EYA1: variants seen among roughly 807,000 people sequenced by gnomAD.
The protein encoded by EYA1 is EYA transcriptional coactivator and phosphatase 1, also known as protein phosphatase EYA1.
In EYA1, 16 loss-of-function variants were observed where a neutral mutation model predicts 82.0. The ratio of observed to expected loss-of-function variants is 0.20; its 90% CI spans 0.13 to 0.30. The LOEUF is 0.30. Among genes scored for constraint, EYA1 ranks in the 10% least tolerant of loss-of-function variants. The pLI is 1.00. For missense variants in EYA1, 633 were observed against 730.7 expected (o/e 0.87, Z 1.54); for synonymous variants, 261 against 264.4 (o/e 0.99, Z 0.12).
At chr8:71,300,095 T>C (rs1485042408) in intron 7 of EYA1, among the ~76,000 whole-genome samples, 2 of 152,180 alleles carry the variant, frequency 1.3e-5, no homozygotes, top group Non-Finnish European at 2.9e-5. Context: ...TTAAGGTTCT[T>C]GCTAGCTCAA....
chr8:71,226,402 C>G (rs879900801), intron 12 of EYA1, among the ~76,000 whole-genome samples: 8 of 151,790 alleles, frequency 5.3e-5, no homozygotes, highest in Admixed American at 1.3e-4. Flanking sequence ...GGAGTTCCTT[C>G]TTTCTCACCA....
intron 9 of EYA1, among the ~76,000 whole-genome samples, chr8:71,294,474 A>AC (rs60667580): frequency 0.11 from 17,024 of 151,358 alleles, 1,046 homozygotes; most frequent in South Asian, 0.22. Context: ...AAACAAACAA[A>AC]AAAAACACAC....
chr8:71,217,423 T>C (rs1026787750), intron 12 of EYA1, among the ~76,000 whole-genome samples: 1 of 152,210 alleles, frequency 6.6e-6, no homozygotes, highest in African/African-American at 2.4e-5. Flanking sequence ...AAATTAAACC[T>C]GATGCTAACT....
chr8:71,340,028 A>G (rs1265179424), intron 3 of EYA1, among the ~76,000 whole-genome samples: 2 of 152,134 alleles, frequency 1.3e-5, no homozygotes, highest in Non-Finnish European at 2.9e-5. Context: ...CCACTATCCT[A>G]ATTACCTTCT....
At chr8:71,293,740 T>C (rs1050874036) in intron 9 of EYA1, among the ~76,000 whole-genome samples, 3 of 151,288 alleles carry the variant, frequency 2.0e-5, no homozygotes, top group Admixed American at 1.3e-4. Context: ...CCAATACCCA[T>C]TCATAATAAA....
chr8:71,216,869 A>G lies in EYA1; in HGVS notation c.1200-17T>C, dbSNP rs1809274848. 1 of 1,614,040 alleles carries G rather than the reference A, an allele frequency of 6.2e-7. No homozygotes were observed. Among genetic ancestry groups the G allele is most frequent in the Admixed American group, 1.7e-5 (1 of 60,006 alleles). The stretch of plus-strand genomic sequence containing the variant: ...TTATATGTGCTATTTATATGCAAGA[A>G]AAGCCCAAAGTTAGCCGAACAGAAA... On this transcript the variant is annotated splice_polypyrimidine_tract_variant and intron_variant, in intron 13 of 17. Transcript: ENST00000340726.
intron 2 of EYA1, among the ~76,000 whole-genome samples, chr8:71,417,414 A>T (rs1167829608): frequency 6.6e-6 from 1 of 152,186 alleles, no homozygotes; most frequent in African/African-American, 2.4e-5. Flanking sequence ...AAGTTCTAGA[A>T]ATTAGAACAT....
At chr8:71,262,734 G>A (rs1432521492) in intron 11 of EYA1, among the ~76,000 whole-genome samples, 1 of 152,218 alleles carries the variant, frequency 6.6e-6, no homozygotes, top group Non-Finnish European at 1.5e-5. Flanking sequence ...TAGTGAGGCA[G>A]AGGGGCTGCC....
At chr8:71,506,294 A>C (rs1812187786) in intron 2 of EYA1, among the ~76,000 whole-genome samples, 1 of 152,228 alleles carries the variant, frequency 6.6e-6, no homozygotes, top group African/African-American at 2.4e-5. Flanking sequence ...AAAATTAAAG[A>C]AGTTGACTCT....
At chr8:71,373,043 C>A (rs1822918) in intron 2 of EYA1, among the ~76,000 whole-genome samples, 1 of 152,006 alleles carries the variant, frequency 6.6e-6, no homozygotes, top group Non-Finnish European at 1.5e-5. Context: ...TGAAGGAAAC[C>A]TAAAGGCTTT....
intron 1 of EYA1, among the ~76,000 whole-genome samples, chr8:71,360,138 C>T (rs1284862112): frequency 3.3e-5 from 5 of 152,132 alleles, no homozygotes; most frequent in Non-Finnish European, 7.4e-5. Context: ...AATACTACTG[C>T]TGATTATTTT....
intron 2 of EYA1, among the ~76,000 whole-genome samples, chr8:71,521,849 T>A (rs12544141): frequency 0.079 from 11,981 of 152,214 alleles, 1,333 homozygotes; most frequent in East Asian, 0.49. Context: ...TAGCCCATTT[T>A]AAGTTCAGAT....
At chr8:71,348,228 C>T (rs1040608827) in intron 3 of EYA1, among the ~76,000 whole-genome samples, 1 of 152,028 alleles carries the variant, frequency 6.6e-6, no homozygotes, top group African/African-American at 2.4e-5. Context: ...GTAACAGACC[C>T]CACTTTATTT....
intron 2 of EYA1, among the ~76,000 whole-genome samples, chr8:71,497,728 A>G (rs1189631624): frequency 6.6e-6 from 1 of 152,190 alleles, no homozygotes; most frequent in Non-Finnish European, 1.5e-5. Flanking sequence ...TATTTACCCA[A>G]AGAAAATCAG....
At chr8:71,440,391 G>T (rs897209059) in intron 2 of EYA1, among the ~76,000 whole-genome samples, 1 of 152,130 alleles carries the variant, frequency 6.6e-6, no homozygotes, top group South Asian at 2.1e-4. Context: ...ACATGGGCAG[G>T]GCTGGTCAAA....
At chr8:71,298,424 G>A (rs1320450368) in intron 9 of EYA1, among the ~76,000 whole-genome samples, 1 of 152,178 alleles carries the variant, frequency 6.6e-6, no homozygotes, top group Non-Finnish European at 1.5e-5. Flanking sequence ...ACACCATTAA[G>A]AGTTCTAGAA....
intron 3 of EYA1, among the ~76,000 whole-genome samples, chr8:71,346,915 A>G (rs1475815423): frequency 1.3e-5 from 2 of 152,012 alleles, no homozygotes; most frequent in Non-Finnish European, 2.9e-5. Context: ...TTATTTAACA[A>G]TTTTTTTTAT....
At chr8:71,449,555 C>T (rs4342638) in intron 2 of EYA1, among the ~76,000 whole-genome samples, 8,711 of 152,268 alleles carry the variant, frequency 0.057, 407 homozygotes, top group Non-Finnish European at 0.084. Context: ...GTTTTATCAT[C>T]TAGGCTTTAT....
chr8:71,485,014 A>ATGGT (rs1454942028), intron 2 of EYA1, among the ~76,000 whole-genome samples: 8 of 152,216 alleles, frequency 5.3e-5, no homozygotes, highest in Admixed American at 4.6e-4. Flanking sequence ...AAACAGCCTC[A>ATGGT]TGGTTATTCA....
Sources: allele counts gnomAD v4.1 joint callset (sites outside exome capture counted in the v4.1 genomes callset), GRCh38; gene constraint gnomAD v4.1.1; transcripts MANE v1.5; gene names NCBI Gene and HGNC (gene_info 2026-07-23, HGNC 2026-07-21).